Variants in IGF2BP1 observed in about 807,000 individuals in gnomAD.
IGF2BP1 encodes the protein insulin like growth factor 2 mRNA binding protein 1, also known as insulin-like growth factor 2 mRNA-binding protein 1.
IGF2BP1 carries 11 observed loss-of-function variants against 74.9 expected under a neutral mutation model. That is an observed-to-expected ratio of 0.15 (90% CI 0.09 to 0.24). IGF2BP1 has a LOEUF of 0.24. Among genes scored for constraint, IGF2BP1 ranks in the 10% least tolerant of loss-of-function variants. The pLI is 1.00. For missense variants in IGF2BP1, 440 were observed against 757.4 expected (o/e 0.58, Z 4.92); for synonymous variants, 287 against 281.8 (o/e 1.02, Z -0.18).
At chr17:49,011,962 C>T (rs2041625059) in intron 2 of IGF2BP1, among the ~76,000 whole-genome samples, 1 of 135,726 alleles carries the variant, frequency 7.4e-6, no homozygotes, top group Non-Finnish European at 1.5e-5. Flanking sequence ...GGCTGTAGTG[C>T]AGTGGTGCAA....
Position 49,002,330 on chromosome 17 carries a change from T to C in IGF2BP1, c.236+3161T>C, listed in dbSNP as rs1378159949. ...TATAAATGGCAAAAAATATTTTAAA[T>C]ATATTTTAACAATGATTTGTTGAGG... On this transcript the variant is annotated intron_variant, in intron 2 of 14. Transcript: ENST00000290341. 3.3e-5 allele frequency among the ~76,000 whole-genome samples: 5 copies of C among 152,144 alleles called. No homozygotes were observed. In the East Asian group the frequency reaches 9.6e-4, roughly 29 times the overall value.
chr17:49,046,849 T>C (rs1375669036), intron 14 of IGF2BP1, among the ~76,000 whole-genome samples: 1 of 152,092 alleles, frequency 6.6e-6, no homozygotes, highest in East Asian at 1.9e-4. Flanking sequence ...TTTCTGCTCT[T>C]CCACCCTCCC....
chr17:49,051,659 T>C lies in IGF2BP1; in HGVS notation c.*2215T>C, dbSNP rs893120504. 1 of 152,128 alleles carries C rather than the reference T, an allele frequency of 6.6e-6. No homozygotes were observed. Among genetic ancestry groups the C allele is most frequent in the Non-Finnish European group, 1.5e-5 (1 of 68,032 alleles). The allele number at this position is 152,128 out of a possible 1,614,324, so 9.4% of individuals were successfully genotyped here. A position where few individuals can be genotyped will look rare whatever the true frequency, so the allele number is the denominator to read the frequency against. On this transcript the variant is annotated 3_prime_UTR_variant, in exon 15 of 15. Coordinates refer to ENST00000290341, the MANE Select transcript of IGF2BP1 (RefSeq NM_006546.4). ...GTGGTGCTGTTGAGATATTTTAAAA[T>C]ATTGCCTCCGTTTTATCGAGGAGAG...
chr17:49,010,464 C>T (rs1258159668), intron 2 of IGF2BP1, among the ~76,000 whole-genome samples: 3 of 151,806 alleles, frequency 2.0e-5, no homozygotes, highest in African/African-American at 4.8e-5. Context: ...ACTACAGGCG[C>T]CCGCCACCAC....
intron 2 of IGF2BP1, among the ~76,000 whole-genome samples, chr17:49,010,164 T>C (rs1230996937): frequency 1.3e-5 from 2 of 152,170 alleles, no homozygotes; most frequent in Non-Finnish European, 2.9e-5. Context: ...ACTCTTCATC[T>C]TGCAAAATTG....
intron 5 of IGF2BP1, among the ~76,000 whole-genome samples, chr17:49,033,304 A>G (rs1567822197): frequency 6.6e-6 from 1 of 150,740 alleles, no homozygotes; most frequent in Non-Finnish European, 1.5e-5. Context: ...GTACACCACC[A>G]TGCCCGGCTG....
chr17:49,032,222 AGGGAGGGC>A (rs2041930666), intron 5 of IGF2BP1, among the ~76,000 whole-genome samples: 2 of 152,158 alleles, frequency 1.3e-5, no homozygotes, highest in African/African-American at 4.8e-5. Context: ...AATACATAGA[AGGGAGGGC>A]TCCAAAGCCC....
Position 49,052,187 on chromosome 17 carries a change from C to T in IGF2BP1, c.*2743C>T, listed in dbSNP as rs959123123. The T allele has an allele frequency of 2.6e-5, 4 of 152,210 alleles. No homozygotes were observed. Among genetic ancestry groups the T allele is most frequent in the African/African-American group, 7.2e-5 (3 of 41,430 alleles). The allele number at this position is 152,210 out of a possible 1,614,324, so 9.4% of individuals were successfully genotyped here. ...ACATCAGGCCAGTAGAATTAAGCCTCTCCACCTGTCCCAACCATAAAAAGG... is the reference window on the plus strand; with the variant it reads ...ACATCAGGCCAGTAGAATTAAGCCTTTCCACCTGTCCCAACCATAAAAAGG... On this transcript the variant is annotated 3_prime_UTR_variant, in exon 15 of 15. Coordinates refer to ENST00000290341, the MANE Select transcript of IGF2BP1 (RefSeq NM_006546.4).
At chr17:49,032,010 G>T (rs758515933) in intron 5 of IGF2BP1, 37 bp downstream of exon 5, 1 of 1,518,688 alleles carries the variant, frequency 6.6e-7, no homozygotes. Flanking sequence ...GTGCGGTGGG[G>T]GGGGGTTCTG....
intron 4 of IGF2BP1, among the ~76,000 whole-genome samples, chr17:49,027,838 C>T (rs1443463653): frequency 3.0e-5 from 3 of 101,254 alleles, no homozygotes; most frequent in African/African-American, 4.1e-5. Context: ...GGCGAAAGAG[C>T]GAGACTCTGT....
At position 49,020,514 on chromosome 17, in the gene IGF2BP1, C is replaced by T. The variant is rs574163328; in HGVS notation, c.237-5104C>T. Among the ~76,000 whole-genome samples, 13 of 152,326 alleles carry T rather than the reference C, an allele frequency of 8.5e-5. No homozygotes were observed. In the South Asian group the frequency reaches 2.7e-3, roughly 32 times the overall value. On this transcript the variant is annotated intron_variant, in intron 2 of 14. Transcript: ENST00000290341. ...TCACACAGCCATGCAGAACCACAGC[C>T]AGAATTTGAACCCAAAGCCTGTTTG... is the stretch of plus-strand genomic sequence containing the variant.
chr17:49,042,216 G>A (rs761422053), intron 8 of IGF2BP1, 26 bp from the exon 9 acceptor site: 20 of 1,613,942 alleles, frequency 1.2e-5, no homozygotes, highest in Non-Finnish European at 1.7e-5. Flanking sequence ...GCCAGTGAAA[G>A]GACACAACTC....
chr17:49,019,904 T>TTATATATATA (rs60753189), intron 2 of IGF2BP1, among the ~76,000 whole-genome samples: 42 of 43,890 alleles, frequency 9.6e-4, no homozygotes, highest in Admixed American at 1.7e-3. Context: ...CCTGGCTAAT[T>TTATATATATA]TATATATATA....
At position 49,053,728 on chromosome 17, in the gene IGF2BP1, C is replaced by T. The variant is rs145491343; in HGVS notation, c.*4284C>T. 7.2e-5 allele frequency: 11 copies of T among 152,792 alleles called. No homozygotes were observed. The highest frequency in any genetic ancestry group is 2.6e-4 in the African/African-American group (11 of 41,578). The allele number at this position is 152,792 out of a possible 1,614,324, so 9.5% of individuals were successfully genotyped here. On this transcript the variant is annotated 3_prime_UTR_variant, in exon 15 of 15. Coordinates refer to ENST00000290341, the MANE Select transcript of IGF2BP1 (RefSeq NM_006546.4). The stretch of plus-strand genomic sequence containing the variant: ...GTGCTAGTAACTACCTCACAGAGCC[C>T]CAGAGGGCCTGCTTGAGCCTTCTTG...
chr17:49,005,476 G>A (rs551037196), intron 2 of IGF2BP1, among the ~76,000 whole-genome samples: 22 of 152,334 alleles, frequency 1.4e-4, no homozygotes, highest in Middle Eastern at 3.4e-3. Context: ...CTTAGGACAA[G>A]TCTGGTTATT....
intron 4 of IGF2BP1, 73 bp from the exon 5 acceptor site, chr17:49,031,837 G>A: frequency 7.5e-7 from 1 of 1,329,206 alleles, no homozygotes; most frequent in Non-Finnish European, 1.1e-6. Context: ...AACGTGGAAA[G>A]CTGGAGTTGG....
chr17:49,032,279 C>T (rs771577017), intron 5 of IGF2BP1, among the ~76,000 whole-genome samples: 1 of 152,076 alleles, frequency 6.6e-6, no homozygotes, highest in Non-Finnish European at 1.5e-5. Context: ...AGAAAATGTC[C>T]CCTGCTGATA....
chr17:48,996,871 C>G (rs1354301273), upstream of IGF2BP1, among the ~76,000 whole-genome samples: 1 of 152,086 alleles, frequency 6.6e-6, no homozygotes, highest in Admixed American at 6.5e-5. Flanking sequence ...GGCGGAGACC[C>G]CCCCCATTTA....
intron 8 of IGF2BP1, among the ~76,000 whole-genome samples, 173 bp downstream of exon 8, chr17:49,041,673 G>A (rs138177046): frequency 3.0e-4 from 45 of 152,312 alleles, no homozygotes; most frequent in African/African-American, 9.1e-4. Context: ...GTAAGGACTG[G>A]ATCTGCCCAT....
Sources: gnomAD v4.1 joint callset for allele counts (sites outside exome capture counted in the v4.1 genomes callset) on GRCh38, gnomAD v4.1.1 for gene constraint, MANE v1.5 for transcripts, NCBI Gene and HGNC (gene_info 2026-07-23, HGNC 2026-07-21) for gene names.